The following RUBCNL variants were observed in gnomAD, a reference collection of about 807,000 sequenced individuals.
RUBCNL encodes the protein rubicon like autophagy enhancer.
RUBCNL carries 62 observed loss-of-function variants against 69.5 expected under a neutral mutation model. That is an observed-to-expected ratio of 0.89 (90% CI 0.73 to 1.10). RUBCNL has a LOEUF of 1.10. Ranked by LOEUF, RUBCNL falls within the 50% of genes least tolerant of loss-of-function variation. The pLI, the probability that RUBCNL is intolerant of heterozygous loss-of-function variation, is 0.00. For synonymous variants in RUBCNL, 291 were observed against 303.6 expected (o/e 0.96, Z 0.43); for missense variants, 768 against 798.1 (o/e 0.96, Z 0.45).
intron 14 of RUBCNL, among the ~76,000 whole-genome samples, chr13:46,343,809 C>T (rs944264554): frequency 5.3e-5 from 8 of 152,170 alleles, no homozygotes; most frequent in African/African-American, 1.7e-4. Context: ...TGGCTGATAA[C>T]TCTTGGGAAG....
chr13:46,385,769 T>G (rs1369387964), intron 1 of RUBCNL, among the ~76,000 whole-genome samples: 1 of 152,184 alleles, frequency 6.6e-6, no homozygotes, highest in Non-Finnish European at 1.5e-5. Flanking sequence ...CAACAATGTT[T>G]TTGTTGTTAA....
Position 46,337,302 on chromosome 13 carries a change from C to T in RUBCNL, c.*6083G>A, listed in dbSNP as rs566081961. Among the ~76,000 whole-genome samples the T allele has an allele frequency of 6.6e-6, 1 of 152,198 alleles. No homozygotes were observed. Among genetic ancestry groups the T allele is most frequent in the East Asian group, 1.9e-4 (1 of 5,174 alleles). ...GGATTACAGGCACTTGCGACCACAC[C>T]TAATTTTTGTATTTTTAGTAAAGAC... On this transcript the variant is annotated 3_prime_UTR_variant, in exon 15 of 15. Coordinates refer to ENST00000429979, the MANE Select transcript of RUBCNL (RefSeq NM_025113.5).
chr13:46,372,191 G>A lies in RUBCNL; in HGVS notation c.285C>T (p.Leu95=), dbSNP rs374412717. ...ASPSGPSPSC[L]GDSLAETTLS... ...ACGTTGTCTCTGCCAGGGAGTCCCC[G>A]AGGCACGAAGGTGAAGGGCCTGAGG... is the stretch of plus-strand genomic sequence containing the variant. The change falls in exon 3 of 15, where the codon CTC becomes CTT. Residue 95 remains leucine, a synonymous_variant. Coordinates refer to ENST00000429979, the MANE Select transcript of RUBCNL (RefSeq NM_025113.5). 14 of 1,613,912 alleles carry A rather than the reference G, an allele frequency of 8.7e-6. No homozygotes were observed. The highest frequency in any genetic ancestry group is 1.6e-4 in the Middle Eastern group (1 of 6,084).
intron 8 of RUBCNL, 117 bp from the exon 9 acceptor site, chr13:46,359,748 CT>C (rs2048570767): frequency 3.9e-6 from 4 of 1,038,214 alleles, no homozygotes; most frequent in African/African-American, 1.6e-5. Flanking sequence ...ATTAACAGTG[CT>C]TTTAACTGAA....
intron 12 of RUBCNL, among the ~76,000 whole-genome samples, chr13:46,348,767 C>A (rs1482414184): frequency 6.6e-6 from 1 of 152,134 alleles, no homozygotes; most frequent in Non-Finnish European, 1.5e-5. Context: ...CCACGCCTAG[C>A]TAATTTTTGT....
At chr13:46,345,655 G>A in intron 12 of RUBCNL, 55 bp from the exon 13 acceptor site, 1 of 1,560,612 alleles carries the variant, frequency 6.4e-7, no homozygotes, top group Non-Finnish European at 8.7e-7. Flanking sequence ...AGAGGACAGG[G>A]AAGAATGGGG....
intron 1 of RUBCNL, among the ~76,000 whole-genome samples, chr13:46,380,211 G>A (rs1213196170): frequency 1.3e-5 from 2 of 152,194 alleles, no homozygotes; most frequent in Admixed American, 1.3e-4. Context: ...GTAAGAAGGG[G>A]AAGGCAAAGT....
intron 12 of RUBCNL, among the ~76,000 whole-genome samples, chr13:46,345,877 T>C (rs546993763): frequency 1.3e-5 from 2 of 152,276 alleles, no homozygotes; most frequent in African/African-American, 2.4e-5. Flanking sequence ...CATGCACACA[T>C]TGAGCAAAAG....
intron 3 of RUBCNL, among the ~76,000 whole-genome samples, chr13:46,369,123 G>T (rs367812293): frequency 6.6e-6 from 1 of 152,174 alleles, no homozygotes; most frequent in African/African-American, 2.4e-5. Context: ...CCCAACAGGG[G>T]CTGGGGTAAA....
upstream of RUBCNL, chr13:46,387,364 G>A (rs1292235255): frequency 3.0e-6 from 3 of 985,334 alleles, no homozygotes; most frequent in East Asian, 3.4e-4. Flanking sequence ...GAAGCAAAGC[G>A]CCGTTCCCGC....
chr13:46,350,432 CA>C, intron 10 of RUBCNL, 81 bp from the exon 11 acceptor site: 1 of 1,005,790 alleles, frequency 9.9e-7, no homozygotes, highest in Non-Finnish European at 1.5e-6. Context: ...AATTCCTACG[CA>C]AGATTCAAAG....
Position 46,338,099 on chromosome 13 carries a change from A to T in RUBCNL, c.*5286T>A, listed in dbSNP as rs1216185222. Reference sequence around the variant, plus strand: ...TGCAGTACGCTGAAGAATGGGCAAGATCGGGAGGGAGATGAAAAGGGGAAG... The same window carrying T: ...TGCAGTACGCTGAAGAATGGGCAAGTTCGGGAGGGAGATGAAAAGGGGAAG... On this transcript the variant is annotated 3_prime_UTR_variant, in exon 15 of 15. Transcript: ENST00000429979. 1.3e-5 allele frequency among the ~76,000 whole-genome samples: 2 copies of T among 152,174 alleles called. No homozygotes were observed. Among genetic ancestry groups the T allele is most frequent in the African/African-American group, 4.8e-5 (2 of 41,438 alleles).
intron 1 of RUBCNL, among the ~76,000 whole-genome samples, chr13:46,383,355 C>T (rs1273904108): frequency 6.6e-6 from 1 of 152,176 alleles, no homozygotes; most frequent in East Asian, 1.9e-4. Context: ...AGACCTTTCC[C>T]ATCACCTATG....
At chr13:46,364,290 G>A (rs1306424009) in intron 5 of RUBCNL, among the ~76,000 whole-genome samples, 1 of 151,964 alleles carries the variant, frequency 6.6e-6, no homozygotes, top group Non-Finnish European at 1.5e-5. Flanking sequence ...CCAGCTACTT[G>A]GGAGGCTGAG....
intron 1 of RUBCNL, among the ~76,000 whole-genome samples, chr13:46,382,695 G>A (rs974272251): frequency 3.3e-5 from 5 of 152,066 alleles, no homozygotes; most frequent in Admixed American, 2.6e-4. Context: ...CACCATGCCC[G>A]GCTAATTTTT....
rs796529048 is a variant in RUBCNL at position 46,335,242 on chromosome 13, T to TTTGTTGTTGTTG, written c.*8131_*8142dup. On this transcript the variant is annotated 3_prime_UTR_variant, in exon 15 of 15. Transcript: ENST00000429979. ...ATTGTGCCCAGCTAATTTGTGTCTTTTTGTTGTTGTTGTTGTTGTTTTTTT... is the reference window on the plus strand; with the variant it reads ...ATTGTGCCCAGCTAATTTGTGTCTTTTTGTTGTTGTTGTTGTTGTTGTTGTTGTTGTTTTTTT... Among the ~76,000 whole-genome samples, 12 of 142,088 alleles carry TTTGTTGTTGTTG rather than the reference T, an allele frequency of 8.4e-5. No homozygotes were observed. Among genetic ancestry groups the TTTGTTGTTGTTG allele is most frequent in the Non-Finnish European group, 6.0e-5 (4 of 66,740 alleles). The allele number at this position is 142,088 out of a possible 152,430, so 93.2% of individuals were successfully genotyped here. A position where few individuals can be genotyped will look rare whatever the true frequency, so the allele number is the denominator to read the frequency against.
chr13:46,353,104 T>TC (rs1461196108), intron 10 of RUBCNL, among the ~76,000 whole-genome samples: 1 of 152,138 alleles, frequency 6.6e-6, no homozygotes. Flanking sequence ...GTCCCACTCC[T>TC]CCTCCGCTGC....
chr13:46,349,424 G>A lies in RUBCNL; in HGVS notation c.1570-77C>T, dbSNP rs1283921459. ...GGAAAAGTGCAAGTCAAATTTAAAT[G>A]TTATTTCTAAGCTTGAAATGCTGCA... On this transcript the variant is annotated intron_variant, in intron 11 of 14. Transcript: ENST00000429979. 5.1e-6 allele frequency: 7 copies of A among 1,372,888 alleles called. No homozygotes were observed. In the African/African-American group the frequency reaches 5.7e-5, roughly 11 times the overall value. 85.0% of individuals were successfully genotyped at this position (1,372,888 alleles called of 1,614,324 possible). A position where few individuals can be genotyped will look rare whatever the true frequency, so the allele number is the denominator to read the frequency against.
chr13:46,346,541 T>C (rs942266431), intron 12 of RUBCNL, among the ~76,000 whole-genome samples: 1 of 152,196 alleles, frequency 6.6e-6, no homozygotes, highest in African/African-American at 2.4e-5. Context: ...CTACTAATTT[T>C]TTTTATCTGA....
Sources: allele counts gnomAD v4.1 joint callset (sites outside exome capture counted in the v4.1 genomes callset), GRCh38; gene constraint gnomAD v4.1.1; transcripts MANE v1.5; gene names NCBI Gene and HGNC (gene_info 2026-07-23, HGNC 2026-07-21).